Variants in LTBP1 observed in about 807,000 individuals in gnomAD.
LTBP1 encodes the protein latent-transforming growth factor beta-binding protein 1.
Under a neutral mutation model 207.6 loss-of-function variants are expected in LTBP1, and 129 were observed. The observed-to-expected ratio is 0.62, with a 90% CI of 0.54 to 0.72. LTBP1 has a LOEUF of 0.72. LTBP1 is among the 30% of genes least tolerant of loss of function. The pLI is 0.00. For missense variants in LTBP1, 2,281 were observed against 2,217.2 expected, an observed-to-expected ratio of 1.03 and a Z score of -0.58; for synonymous variants, 963 against 833.7, an observed-to-expected ratio of 1.16 and a Z score of -2.67.
intron 5 of LTBP1, among the ~76,000 whole-genome samples, chr2:33,149,240 A>AC (rs1558707494): frequency 9.0e-5 from 13 of 145,050 alleles, no homozygotes; most frequent in South Asian, 2.1e-4. Flanking sequence ...AAAAAAAAAA[A>AC]AAAAAAAAAA....
At chr2:33,319,457 T>C (rs1430072772) in intron 24 of LTBP1, among the ~76,000 whole-genome samples, 1 of 152,142 alleles carries the variant, frequency 6.6e-6, no homozygotes, top group African/African-American at 2.4e-5. Context: ...ATTCGGTCTC[T>C]TCATCATCAG....
intron 7 of LTBP1, among the ~76,000 whole-genome samples, chr2:33,207,687 A>G (rs150823591): frequency 7.2e-5 from 11 of 152,354 alleles, no homozygotes; most frequent in African/African-American, 2.6e-4. Context: ...CGACCCTTAG[A>G]ACAAGTTGAT....
At chr2:33,022,128 C>T (rs114282153) in intron 3 of LTBP1, among the ~76,000 whole-genome samples, 4,134 of 152,214 alleles carry the variant, frequency 0.027, 88 homozygotes, top group Non-Finnish European at 0.041. Flanking sequence ...TGATTAGTAT[C>T]CAGTCAGCCC....
chr2:33,044,085 C>G (rs763337152), intron 3 of LTBP1, among the ~76,000 whole-genome samples: 1 of 150,912 alleles, frequency 6.6e-6, no homozygotes, highest in Non-Finnish European at 1.5e-5. Flanking sequence ...AAAAGGAAAG[C>G]ATTTAGACCT....
intron 15 of LTBP1, among the ~76,000 whole-genome samples, chr2:33,268,546 T>G (rs557710150): frequency 6.6e-6 from 1 of 152,368 alleles, no homozygotes; most frequent in East Asian, 1.9e-4. Flanking sequence ...TGTTTTCCAC[T>G]CTTAACAGCT....
chr2:33,173,921 T>C (rs1047860078), intron 5 of LTBP1, among the ~76,000 whole-genome samples: 8 of 145,170 alleles, frequency 5.5e-5, no homozygotes, highest in African/African-American at 1.5e-4. Flanking sequence ...ATTATCTCAA[T>C]AGATGCAGAA....
chr2:33,222,089 G>T lies in LTBP1; in HGVS notation c.1814G>T (p.Gly605Val), dbSNP rs2149430453. The T allele has an allele frequency of 6.2e-7, 1 of 1,612,266 alleles. No individual in the cohort carries two copies. Among genetic ancestry groups the T allele is most frequent in the Middle Eastern group, 1.7e-4 (1 of 6,058 alleles). ...QKCPKKPSYH[G>V]YNQMMECLPG... ...ATTTCTTCCCTTACAGCTTATCATG[G>T]ATACAACCAAATGATGGAATGCCTA... The change falls in exon 9 of 34, where the codon GGA becomes GTA. Residue 605 changes from glycine (G) to valine (V), a missense_variant. By Grantham distance (109) the Gly-to-Val change is moderately radical. Around this residue, in one of 3 missense-constraint regions of LTBP1, gnomAD observed 1,671 missense variants for 1,634.8 expected, o/e 1.02. Transcript: ENST00000404816.
intron 3 of LTBP1, among the ~76,000 whole-genome samples, chr2:33,056,714 C>T (rs184073595): frequency 4.6e-5 from 7 of 151,986 alleles, no homozygotes; most frequent in African/African-American, 9.7e-5. Context: ...TGCAGACCTT[C>T]GTGGTGAGTG....
chr2:32,976,904 A>G (rs567092117), intron 2 of LTBP1, among the ~76,000 whole-genome samples: 76 of 152,218 alleles, frequency 5.0e-4, no homozygotes, highest in African/African-American at 1.7e-3. Flanking sequence ...AGGTCACCTA[A>G]TGTTCTGTCT....
chr2:32,960,043 A>G (rs17012397), intron 2 of LTBP1, among the ~76,000 whole-genome samples: 8,227 of 152,242 alleles, frequency 0.054, 256 homozygotes, highest in Middle Eastern at 0.071. Flanking sequence ...TGTAAAAGCT[A>G]TTTAAATGAG....
chr2:33,253,557 A>T (rs1347902974), intron 11 of LTBP1, among the ~76,000 whole-genome samples: 1 of 152,210 alleles, frequency 6.6e-6, no homozygotes, highest in African/African-American at 2.4e-5. Flanking sequence ...TGATATTAAC[A>T]AGGAATGGCT....
intron 9 of LTBP1, among the ~76,000 whole-genome samples, chr2:33,243,306 G>C (rs77054240): frequency 0.03 from 4,498 of 152,234 alleles, 238 homozygotes; most frequent in African/African-American, 0.1. Context: ...CATATGTATA[G>C]TTAGACTGTC....
At chr2:33,208,865 ATTT>A (rs3053310) in intron 7 of LTBP1, among the ~76,000 whole-genome samples, 6 of 112,980 alleles carry the variant, frequency 5.3e-5, no homozygotes, top group Admixed American at 2.0e-4. Context: ...TCTTGCTACT[ATTT>A]TTTTTTTTTT....
chr2:33,206,748 A>G (rs985657172), intron 7 of LTBP1, among the ~76,000 whole-genome samples: 16 of 152,020 alleles, frequency 1.1e-4, no homozygotes, highest in Non-Finnish European at 2.4e-4. Flanking sequence ...CAAAAAAAAA[A>G]AAAAAAGAAA....
intron 7 of LTBP1, among the ~76,000 whole-genome samples, chr2:33,200,515 T>G (rs2089111274): frequency 6.6e-6 from 1 of 152,132 alleles, no homozygotes; most frequent in Admixed American, 6.5e-5. Flanking sequence ...CCTAAAACCA[T>G]AAAAACCCTA....
In LTBP1 at chr2:32,947,756, G is replaced by T. The variant is rs761350988; in HGVS notation, c.432G>T (p.Pro144=). 6.6e-7 allele frequency: 1 copy of T among 1,523,662 alleles called. No individual in the cohort carries two copies. 94.4% of individuals were successfully genotyped at this position (1,523,662 alleles called of 1,614,324 possible). A position where few individuals can be genotyped will look rare whatever the true frequency, so the allele number is the denominator to read the frequency against. ...GGCAAGTTGTGCGCTCCAAGGTGCC[G>T]CAGGAGACCCAGAGCGGCGGAGGCT... ...QGRQVVRSKV[P]QETQSGGGSR... is the part of the protein sequence containing the mutation. Residue 144 remains proline (P), a synonymous_variant, in exon 1 of 34, where the codon CCG becomes CCT. Coordinates refer to ENST00000404816, the MANE Select transcript of LTBP1 (RefSeq NM_206943.4).
intron 5 of LTBP1, among the ~76,000 whole-genome samples, chr2:33,148,759 T>C (rs534478760): frequency 3.9e-5 from 6 of 152,304 alleles, no homozygotes; most frequent in Non-Finnish European, 5.9e-5. Context: ...GGAAAAACTG[T>C]TTGTCTGTCA....
chr2:33,103,677 C>T (rs966037213), intron 3 of LTBP1, among the ~76,000 whole-genome samples: 1 of 148,194 alleles, frequency 6.7e-6, no homozygotes, highest in Admixed American at 6.8e-5. Context: ...TTATTCTTTG[C>T]CATTCCCTAT....
chr2:33,142,255 C>T (rs1386564768), intron 5 of LTBP1, among the ~76,000 whole-genome samples: 1 of 151,960 alleles, frequency 6.6e-6, no homozygotes, highest in Non-Finnish European at 1.5e-5. Flanking sequence ...TGGGGTTTCA[C>T]TGTGTTAGCC....
Sources: allele counts gnomAD v4.1 joint callset (sites outside exome capture counted in the v4.1 genomes callset), GRCh38; gene constraint gnomAD v4.1.1; regional missense constraint gnomAD v4.1.1; transcripts MANE v1.5; gene names NCBI Gene and HGNC (gene_info 2026-07-23, HGNC 2026-07-21).